DSE: variants seen among roughly 807,000 people sequenced by gnomAD.
DSE encodes the protein dermatan-sulfate epimerase.
In DSE, 36 loss-of-function variants were observed where a neutral mutation model predicts 84.4. The ratio of observed to expected loss-of-function variants is 0.43; its 90% CI spans 0.33 to 0.56. The LOEUF (loss-of-function observed/expected upper bound fraction) is 0.56. DSE is among the 20% of genes least tolerant of loss of function. The pLI, the probability that DSE is intolerant of heterozygous loss-of-function variation, is 0.06. For missense variants in DSE, 862 were observed against 1,169.6 expected (o/e 0.74, Z 3.84); for synonymous variants, 410 against 430.1 (o/e 0.95, Z 0.58).
chr6:116,393,538 A>G (rs1055687781), intron 1 of DSE, among the ~76,000 whole-genome samples: 2 of 152,214 alleles, frequency 1.3e-5, no homozygotes. Flanking sequence ...TCTTCATGTC[A>G]TGTTCTATGC....
chr6:116,309,750 C>G (rs1184965740), intron 2 of DSE, among the ~76,000 whole-genome samples: 1 of 152,102 alleles, frequency 6.6e-6, no homozygotes, highest in Non-Finnish European at 1.5e-5. Context: ...ACCATGTTCT[C>G]CTGAAGGGAG....
At position 116,334,542 on chromosome 6, in the gene DSE, A is replaced by AT. The variant is rs112692375; in HGVS notation, c.-53-64648dup. Among the ~76,000 whole-genome samples, 102 of 151,694 alleles carry AT rather than the reference A, an allele frequency of 6.7e-4. 1 individual carries two copies. The highest frequency in any genetic ancestry group is 2.2e-3 in the African/African-American group (91 of 41,346). On this transcript the variant is annotated intron_variant, in intron 2 of 3. Transcript: ENST00000430252. ...CCTTGCTAGATCCCATTTGTTATTT[A>AT]TTTTTTTTGCCTTCATTGCAATTGC...
intron 2 of DSE, among the ~76,000 whole-genome samples, chr6:116,354,336 A>G (rs2640858): frequency 0.022 from 3,405 of 152,250 alleles, 139 homozygotes; most frequent in African/African-American, 0.078. Context: ...GGACCTTACA[A>G]CTGCTCTGGA....
At chr6:116,304,383 C>T (rs1775224150) in intron 2 of DSE, among the ~76,000 whole-genome samples, 2 of 152,052 alleles carry the variant, frequency 1.3e-5, no homozygotes, top group African/African-American at 4.8e-5. Flanking sequence ...GGATTTTAGA[C>T]AGGAGATAGA....
intron 1 of DSE, among the ~76,000 whole-genome samples, chr6:116,389,579 G>A (rs1780766917): frequency 6.6e-6 from 1 of 152,168 alleles, no homozygotes; most frequent in Non-Finnish European, 1.5e-5. Flanking sequence ...CTTCAGGAAT[G>A]TATTGCAGGA....
At chr6:116,304,980 A>T (rs9374598) in intron 2 of DSE, among the ~76,000 whole-genome samples, 48,688 of 151,992 alleles carry the variant, frequency 0.32, 8,415 homozygotes, top group East Asian at 0.66. Context: ...GAGCTCCATG[A>T]CTTTTTTCCA....
chr6:116,302,566 A>C (rs1358300801), intron 2 of DSE, among the ~76,000 whole-genome samples: 1 of 152,152 alleles, frequency 6.6e-6, no homozygotes, highest in African/African-American at 2.4e-5. Context: ...GATAGATTGC[A>C]AACATTTTCT....
chr6:116,390,211 G>A (rs1204816637), intron 1 of DSE, among the ~76,000 whole-genome samples: 1 of 151,826 alleles, frequency 6.6e-6, no homozygotes, highest in African/African-American at 2.4e-5. Flanking sequence ...GGGACCCCAG[G>A]TACATGCCAC....
chr6:116,346,028 A>G (rs1314532699), intron 2 of DSE, among the ~76,000 whole-genome samples: 4 of 152,246 alleles, frequency 2.6e-5, no homozygotes. Context: ...GAAGAAATGG[A>G]TAAATTCCTG....
At chr6:116,325,932 G>T (rs1042748985) in intron 2 of DSE, among the ~76,000 whole-genome samples, 1 of 152,162 alleles carries the variant, frequency 6.6e-6, no homozygotes, top group Non-Finnish European at 1.5e-5. Context: ...GATCGTGATC[G>T]AGTGAGCAAG....
intron 2 of DSE, among the ~76,000 whole-genome samples, chr6:116,406,855 A>G (rs1036542367): frequency 6.6e-6 from 1 of 152,172 alleles, no homozygotes. Flanking sequence ...GGGCCAGATC[A>G]TTGCTTATCC....
At chr6:116,406,328 C>T (rs1781929032) in intron 2 of DSE, among the ~76,000 whole-genome samples, 1 of 152,158 alleles carries the variant, frequency 6.6e-6, no homozygotes, top group Non-Finnish European at 1.5e-5. Context: ...ACAAAGGCAA[C>T]ATGAATATAT....
chr6:116,381,288 C>T (rs759230792), intron 1 of DSE, among the ~76,000 whole-genome samples: 2 of 151,898 alleles, frequency 1.3e-5, no homozygotes, highest in African/African-American at 2.4e-5. Flanking sequence ...CATGCTCAAG[C>T]AATGATGGGC....
At chr6:116,419,878 A>G (rs1272441122) in intron 2 of DSE, among the ~76,000 whole-genome samples, 1 of 152,236 alleles carries the variant, frequency 6.6e-6, no homozygotes, top group Non-Finnish European at 1.5e-5. Flanking sequence ...GAAAAAGAAG[A>G]TGGATCATTT....
At chr6:116,371,452 A>C (rs1274172176) in intron 1 of DSE, among the ~76,000 whole-genome samples, 1 of 152,106 alleles carries the variant, frequency 6.6e-6, no homozygotes, top group Non-Finnish European at 1.5e-5. Flanking sequence ...CGTGCGTCGG[A>C]TCTGGCCGGC....
chr6:116,318,188 A>G (rs1005967141), intron 2 of DSE, among the ~76,000 whole-genome samples: 7 of 152,128 alleles, frequency 4.6e-5, no homozygotes, highest in African/African-American at 1.2e-4. Context: ...CAACAAGCCA[A>G]TGGGCTAGGT....
intron 2 of DSE, chr6:116,423,209 T>TA (rs1783202789): frequency 6.6e-6 from 1 of 152,160 alleles, no homozygotes; most frequent in African/African-American, 2.4e-5. Flanking sequence ...TACCAATAGA[T>TA]AAAGTGTGAG....
At chr6:116,325,826 C>T (rs1776582754) in intron 2 of DSE, among the ~76,000 whole-genome samples, 3 of 152,308 alleles carry the variant, frequency 2.0e-5, no homozygotes, top group Middle Eastern at 6.8e-3. Context: ...CAGCCGGGGG[C>T]ATCGGCAAGA....
At chr6:116,313,295 G>A (rs1022520448) in intron 2 of DSE, among the ~76,000 whole-genome samples, 4 of 152,176 alleles carry the variant, frequency 2.6e-5, no homozygotes, top group Non-Finnish European at 4.4e-5. Flanking sequence ...CCAGAACTGT[G>A]AGACAATAAA....
Sources: allele counts gnomAD v4.1 joint callset (sites outside exome capture counted in the v4.1 genomes callset), GRCh38; gene constraint gnomAD v4.1.1; transcripts MANE v1.5; gene names NCBI Gene and HGNC (gene_info 2026-07-23, HGNC 2026-07-21).